CFHR2: variants seen among roughly 807,000 people sequenced by gnomAD.
The protein encoded by CFHR2 is complement factor H-related protein 2.
In CFHR2, 22 loss-of-function variants were observed where a neutral mutation model predicts 21.7. The ratio of observed to expected loss-of-function variants is 1.01; its 90% CI spans 0.72 to 1.45. CFHR2 has a LOEUF of 1.45. CFHR2 is among the 40% of genes most tolerant of loss of function. CFHR2 has a pLI of 0.00. For missense variants in CFHR2, 294 were observed against 293.3 expected (o/e 1.00, Z -0.02); for synonymous variants, 98 against 97.4 (o/e 1.01, Z -0.04).
intron 3 of CFHR2, among the ~76,000 whole-genome samples, chr1:196,956,634 T>A (rs1652892110): frequency 1.3e-5 from 2 of 152,208 alleles, no homozygotes; most frequent in Admixed American, 6.5e-5. Context: ...CCCAGTGTGT[T>A]ATTAAGCCTA....
intron 1 of CFHR2, among the ~76,000 whole-genome samples, chr1:196,946,403 T>A (rs1260533579): frequency 2.6e-5 from 4 of 152,184 alleles, no homozygotes; most frequent in Non-Finnish European, 5.9e-5. Context: ...TTAACCTTAG[T>A]TTATGTTGAC....
chr1:196,951,015 A>C lies in CFHR2; in HGVS notation c.417A>C (p.Lys139Asn). 6.2e-7 allele frequency: 1 copy of C among 1,614,064 alleles called. No homozygotes were observed. Among genetic ancestry groups the C allele is most frequent in the Non-Finnish European group, 8.5e-7 (1 of 1,179,994 alleles). The change falls in exon 3 of 5, where the codon AAA becomes AAC. Residue 139 changes from lysine (K) to asparagine (N), a missense_variant. Lys to Asn is a moderately conservative substitution (Grantham distance 94). Transcript: ENST00000367415. ...CVERGWSTPPKCRSTISAEKC... is the reference protein window; with the variant it reads ...CVERGWSTPPNCRSTISAEKC... ...AACGGGGCTGGTCCACTCCTCCCAA[A>C]TGCAGGTCCACTAGTAAGTGCAATG... is the stretch of plus-strand genomic sequence containing the variant.
intron 3 of CFHR2, among the ~76,000 whole-genome samples, chr1:196,955,948 A>G (rs1652856892): frequency 6.6e-6 from 1 of 152,206 alleles, no homozygotes; most frequent in South Asian, 2.1e-4. Flanking sequence ...AAGCGGGGGC[A>G]GGCACTTCTT....
chr1:196,944,565 T>C (rs2477981), intron 1 of CFHR2, among the ~76,000 whole-genome samples: 26,581 of 112,044 alleles, frequency 0.24, 2,163 homozygotes, highest in African/African-American at 0.34. Flanking sequence ...ATTTTATAAA[T>C]GGTCCCATTT....
chr1:196,954,486 A>C (rs1469610195), intron 3 of CFHR2, among the ~76,000 whole-genome samples: 1 of 152,068 alleles, frequency 6.6e-6, no homozygotes, highest in African/African-American at 2.4e-5. Context: ...GTAGCCCCCT[A>C]CTCATAGCTC....
chr1:196,959,241 C>T lies in CFHR2; in HGVS notation c.*161C>T. 1.7e-6 allele frequency: 1 copy of T among 596,978 alleles called. No individual in the cohort carries two copies. The highest frequency in any genetic ancestry group is 2.3e-5 in the South Asian group (1 of 43,860). 37.0% of individuals were successfully genotyped at this position (596,978 alleles called of 1,614,324 possible). On this transcript the variant is annotated 3_prime_UTR_variant, in exon 5 of 5. Transcript: ENST00000367415. ...TGCAATTACAATCTGAGATGTGTCA[C>T]AATGGTGAGGACTATCTTCACCAAA...
In CFHR2 at chr1:196,945,338, G is replaced by A. The variant is rs533102427; in HGVS notation, c.58+1400G>A. ...GGCATTACATGAGGATTTCTAAATAGGGGGGTAGCAGAGGAAAATAAGTGA... is the reference window on the plus strand; with the variant it reads ...GGCATTACATGAGGATTTCTAAATAAGGGGGTAGCAGAGGAAAATAAGTGA... On this transcript the variant is annotated intron_variant, in intron 1 of 4. Transcript: ENST00000367415. Among the ~76,000 whole-genome samples, 1,092 of 140,536 alleles carry A rather than the reference G, an allele frequency of 7.8e-3. 14 individuals carry two copies. Among genetic ancestry groups the A allele is most frequent in the Non-Finnish European group, 0.013 (853 of 65,232 alleles). 92.2% of individuals were successfully genotyped at this position (140,536 alleles called of 152,430 possible).
chr1:196,953,932 C>A (rs1049934791), intron 3 of CFHR2, among the ~76,000 whole-genome samples: 3 of 151,886 alleles, frequency 2.0e-5, no homozygotes, highest in Non-Finnish European at 2.9e-5. Context: ...TATGAACTAA[C>A]CATTAATGAA....
intron 2 of CFHR2, among the ~76,000 whole-genome samples, 185 bp downstream of exon 2, chr1:196,949,834 T>C (rs909425291): frequency 2.6e-5 from 4 of 152,234 alleles, no homozygotes; most frequent in African/African-American, 9.6e-5. Context: ...ATATGTCAAC[T>C]GTCTTGCATT....
intron 1 of CFHR2, among the ~76,000 whole-genome samples, chr1:196,946,747 G>A (rs1215325599): frequency 6.6e-6 from 1 of 152,140 alleles, no homozygotes; most frequent in African/African-American, 2.4e-5. Flanking sequence ...AGTTCCTGAA[G>A]GATCTGCCTC....
At chr1:196,953,502 C>A (rs1484966057) in intron 3 of CFHR2, among the ~76,000 whole-genome samples, 1 of 152,108 alleles carries the variant, frequency 6.6e-6, no homozygotes, top group Non-Finnish European at 1.5e-5. Flanking sequence ...AGGCTGGTCT[C>A]CAACTCCCAA....
At chr1:196,957,158 G>T (rs753922586) in intron 3 of CFHR2, among the ~76,000 whole-genome samples, 1 of 151,804 alleles carries the variant, frequency 6.6e-6, no homozygotes, top group Non-Finnish European at 1.5e-5. Flanking sequence ...GCTCTTCTGG[G>T]GATTTTCTTT....
At chr1:196,953,835 T>C (rs914742669) in intron 3 of CFHR2, among the ~76,000 whole-genome samples, 3 of 152,202 alleles carry the variant, frequency 2.0e-5, no homozygotes, top group African/African-American at 4.8e-5. Context: ...AATATTTCAA[T>C]TTTTTGTGTA....
chr1:196,946,786 T>A (rs1226074238), intron 1 of CFHR2, among the ~76,000 whole-genome samples: 5 of 152,196 alleles, frequency 3.3e-5, no homozygotes, highest in African/African-American at 9.7e-5. Context: ...TACAGTTAAT[T>A]TTTTTAACCA....
At chr1:196,952,871 C>A (rs536731732) in intron 3 of CFHR2, among the ~76,000 whole-genome samples, 115 of 152,302 alleles carry the variant, frequency 7.6e-4, no homozygotes, top group Non-Finnish European at 1.5e-3. Context: ...TGTTCAAGTT[C>A]TCACAATATT....
At chr1:196,952,887 C>T (rs1219200601) in intron 3 of CFHR2, among the ~76,000 whole-genome samples, 1 of 152,160 alleles carries the variant, frequency 6.6e-6, no homozygotes, top group Non-Finnish European at 1.5e-5. Flanking sequence ...ATATTGCTAC[C>T]TTTCCCTCTT....
At chr1:196,950,454 TTTTG>T (rs754559748) in intron 2 of CFHR2, among the ~76,000 whole-genome samples, 66 of 152,068 alleles carry the variant, frequency 4.3e-4, no homozygotes, top group Non-Finnish European at 7.1e-4. Context: ...CTTTTTGGTT[TTTTG>T]TTTGTTTGTT....
At chr1:196,948,934 T>C (rs1372264785) in intron 1 of CFHR2, among the ~76,000 whole-genome samples, 1 of 152,132 alleles carries the variant, frequency 6.6e-6, no homozygotes, top group East Asian at 1.9e-4. Context: ...ATTAACTTTG[T>C]AACCAGAAAG....
Position 196,951,043 on chromosome 1 carries a change from G to T in CFHR2, c.430+15G>T, listed in dbSNP as rs1659709204. ...CAGGTCCACTAGTAAGTGCAATGTT[G>T]TTCTCTCAGATGCTGTTATATTATA... On this transcript the variant is annotated intron_variant, in intron 3 of 4. Transcript: ENST00000367415. The T allele has an allele frequency of 6.2e-7, 1 of 1,613,558 alleles. No homozygotes were observed. The highest frequency in any genetic ancestry group is 8.5e-7 in the Non-Finnish European group (1 of 1,179,628).
Sources: gnomAD v4.1 joint callset for allele counts (sites outside exome capture counted in the v4.1 genomes callset) on GRCh38, gnomAD v4.1.1 for gene constraint, MANE v1.5 for transcripts, NCBI Gene and HGNC (gene_info 2026-07-23, HGNC 2026-07-21) for gene names.